The following CAMSAP3 variants were observed in gnomAD, a reference collection of about 807,000 sequenced individuals.
CAMSAP3 encodes the protein calmodulin regulated spectrin associated protein family member 3, also known as calmodulin-regulated spectrin-associated protein 3.
In CAMSAP3, 34 loss-of-function variants were observed where a neutral mutation model predicts 112.5. The ratio of observed to expected loss-of-function variants is 0.30; its 90% CI spans 0.23 to 0.40. CAMSAP3 has a LOEUF of 0.40. Ranked by LOEUF, CAMSAP3 falls within the 10% of genes least tolerant of loss-of-function variation. The pLI is 1.00. For missense variants in CAMSAP3, 1,602 were observed against 1,770.3 expected (o/e 0.90, Z 1.71); for synonymous variants, 868 against 799.8 (o/e 1.09, Z -1.44).
chr19:7,595,874 AGCAGCG>A lies in CAMSAP3; in HGVS notation c.-126_-121del, dbSNP rs2024423698. On this transcript the variant is annotated 5_prime_UTR_variant, in exon 1 of 17. Coordinates refer to ENST00000160298, the MANE Select transcript of CAMSAP3 (RefSeq NM_020902.2). The stretch of plus-strand genomic sequence containing the variant: ...CAGCGCAAGCGGCCGCACCTGGCTC[AGCAGCG>A]GCGGCGGCGGCGGCGGCGGCAGCGG... 4 of 318,600 alleles carry A rather than the reference AGCAGCG, an allele frequency of 1.3e-5. No homozygotes were observed. The highest frequency in any genetic ancestry group is 2.7e-4 in the South Asian group (2 of 7,540). 19.7% of individuals were successfully genotyped at this position (318,600 alleles called of 1,614,324 possible). A position where few individuals can be genotyped will look rare whatever the true frequency, so the allele number is the denominator to read the frequency against.
rs1017931401 is a variant in CAMSAP3, at chr19:7,612,866, G to C, written c.2373G>C (p.Leu791=). The C allele has an allele frequency of 1.2e-6, 2 of 1,602,166 alleles. No homozygotes were observed. The highest frequency in any genetic ancestry group is 2.3e-5 in the East Asian group (1 of 44,190). ...ACACGCGGCCAGCGGAGCTGCGGCTGGCACCCTTGACCAGGGTGCTTACGC... is the reference window on the plus strand; with the variant it reads ...ACACGCGGCCAGCGGAGCTGCGGCTCGCACCCTTGACCAGGGTGCTTACGC... ...PKHTRPAELR[L]APLTRVLTPP... is the part of the protein sequence containing the mutation. Residue 791 remains leucine, a synonymous_variant, in exon 11 of 17, where the codon CTG becomes CTC. Transcript: ENST00000160298.
Position 7,605,214 on chromosome 19 carries a change from A to G in CAMSAP3, c.149-12A>G, listed in dbSNP as rs567477051. The G allele has an allele frequency of 2.1e-6, 3 of 1,433,020 alleles. No individual in the cohort carries two copies. In the South Asian group the frequency reaches 4.1e-5, roughly 20 times the overall value. The allele number at this position is 1,433,020 out of a possible 1,614,324, so 88.8% of individuals were successfully genotyped here. A position where few individuals can be genotyped will look rare whatever the true frequency, so the allele number is the denominator to read the frequency against. ...ACCCTGACCCCCGTGTTTCCCCTCT[A>G]TGCCCCCACAGAGCACGTGCCCCCG... On this transcript the variant is annotated splice_polypyrimidine_tract_variant and intron_variant, in intron 1 of 16. Coordinates refer to ENST00000160298, the MANE Select transcript of CAMSAP3 (RefSeq NM_020902.2).
chr19:7,606,447 A>G, intron 3 of CAMSAP3, 29 bp from the exon 4 acceptor site: 1 of 1,609,322 alleles, frequency 6.2e-7, no homozygotes. Context: ...TCCAGTGGCC[A>G]GACCACTGAC....
chr19:7,617,571 C>G lies in CAMSAP3; in HGVS notation c.3354C>G (p.Ala1118=). 1 of 1,614,168 alleles carries G rather than the reference C, an allele frequency of 6.2e-7. No homozygotes were observed. The highest frequency in any genetic ancestry group is 1.3e-5 in the African/African-American group (1 of 75,034). Residue 1118 remains alanine (A), a synonymous_variant, in exon 16 of 17, where the codon GCC becomes GCG. Coordinates refer to ENST00000160298, the MANE Select transcript of CAMSAP3 (RefSeq NM_020902.2). The surrounding 1 kb of genome is among the most constrained non-coding windows in gnomAD (Gnocchi z 7.5). The part of the protein sequence containing the change: ...TGPRLYKEPS[A]KSNKFIIHNA... ...CACGGCTGTACAAAGAACCCAGCGCCAAGTCCAACAAGTTCATCATCCACA... is the reference window on the plus strand; with the variant it reads ...CACGGCTGTACAAAGAACCCAGCGCGAAGTCCAACAAGTTCATCATCCACA...
In CAMSAP3 at chr19:7,606,577, G is replaced by A. The variant is rs1286276874; in HGVS notation, c.621+6G>A. On this transcript the variant is annotated splice_donor_region_variant and intron_variant, in intron 4 of 16. Transcript: ENST00000160298. ...CGGCCCCGGCGCAGCCCTCGGTGAG[G>A]CCAGGGCATAGAACCGTCAGAAGGA... is the stretch of plus-strand genomic sequence containing the variant. 1 of 1,525,188 alleles carries A rather than the reference G, an allele frequency of 6.6e-7. No homozygotes were observed. The highest frequency in any genetic ancestry group is 8.8e-7 in the Non-Finnish European group (1 of 1,141,114). The allele number at this position is 1,525,188 out of a possible 1,614,324, so 94.5% of individuals were successfully genotyped here.
chr19:7,604,057 C>T (rs2030088306), intron 1 of CAMSAP3, among the ~76,000 whole-genome samples: 1 of 152,112 alleles, frequency 6.6e-6, no homozygotes, highest in African/African-American at 2.4e-5. Context: ...ATCATTCGAG[C>T]CCGGGAGGCA....
rs946575727 is a variant in CAMSAP3, at chr19:7,617,105, C to T, written c.3213-221C>T. On this transcript the variant is annotated intron_variant, in intron 14 of 16. Coordinates refer to ENST00000160298, the MANE Select transcript of CAMSAP3 (RefSeq NM_020902.2). This position sits in a 1 kb window ranked among gnomAD's most constrained non-coding sequence, Gnocchi z 7.5. ...CTGGGGTTACCCGTGCCTGTAGAGA[C>T]GGTGTTTCACCATGTTGGCCAGGCT... Among the ~76,000 whole-genome samples the T allele has an allele frequency of 1.1e-4, 17 of 151,876 alleles. No homozygotes were observed. Among genetic ancestry groups the T allele is most frequent in the Admixed American group, 8.5e-4 (13 of 15,256 alleles).
intron 1 of CAMSAP3, among the ~76,000 whole-genome samples, chr19:7,597,976 G>T (rs1312087161): frequency 6.6e-6 from 1 of 152,148 alleles, no homozygotes; most frequent in Non-Finnish European, 1.5e-5. Flanking sequence ...CTAAAAAGAG[G>T]AGAAGGGCTG....
intron 2 of CAMSAP3, 48 bp from the exon 3 acceptor site, chr19:7,606,223 C>A: frequency 7.4e-7 from 1 of 1,353,204 alleles, no homozygotes; most frequent in Non-Finnish European, 9.8e-7. Context: ...GGCCGAGGTG[C>A]GCCTCCTGCA....
Position 7,607,212 on chromosome 19 carries a change from G to A in CAMSAP3, c.621+641G>A, listed in dbSNP as rs564749780. 3.9e-5 allele frequency among the ~76,000 whole-genome samples: 6 copies of A among 152,254 alleles called. No individual in the cohort carries two copies. In the East Asian group the frequency reaches 1.2e-3, roughly 30 times the overall value. ...ATCACAAACGTGGATCCTGACCCTA[G>A]CAGGCAGGGCACCCTCTGGCCAAGG... On this transcript the variant is annotated intron_variant, in intron 4 of 16. Transcript: ENST00000160298. The surrounding 1 kb of genome is among the most constrained non-coding windows in gnomAD (Gnocchi z 4.9).
chr19:7,606,187 G>A (rs945573987), intron 2 of CAMSAP3, 84 bp from the exon 3 acceptor site: 3 of 1,144,442 alleles, frequency 2.6e-6, no homozygotes, highest in Admixed American at 4.0e-5. Flanking sequence ...CCATCTGCAG[G>A]TTCTTCCTTT....
Position 7,611,042 on chromosome 19 carries a change from G to A in CAMSAP3, c.1050-53G>A. 3.1e-6 allele frequency: 5 copies of A among 1,605,982 alleles called. No individual in the cohort carries two copies. The highest frequency in any genetic ancestry group is 3.4e-6 in the Non-Finnish European group (4 of 1,173,518). ...TGATGCTGTTGTCTCCCCCCGGGGA[G>A]AGGCGGAGGAGGAGGTGGGGGTCCT... On this transcript the variant is annotated intron_variant, in intron 8 of 16. Transcript: ENST00000160298. This position sits in a 1 kb window ranked among gnomAD's most constrained non-coding sequence, Gnocchi z 6.9.
Position 7,617,509 on chromosome 19 carries a change from G to GCCCCCC in CAMSAP3, c.3326-33_3326-28dup. ...TCCACAGCCCCTGCTCATTCCTGCT[G>GCCCCCC]CCCCCCACCCCCTCCCACTGCCTCA... On this transcript the variant is annotated intron_variant, in intron 15 of 16. Coordinates refer to ENST00000160298, the MANE Select transcript of CAMSAP3 (RefSeq NM_020902.2). This position sits in a 1 kb window ranked among gnomAD's most constrained non-coding sequence, Gnocchi z 7.5. 1 of 1,608,434 alleles carries GCCCCCC rather than the reference G, an allele frequency of 6.2e-7. No homozygotes were observed. Among genetic ancestry groups the GCCCCCC allele is most frequent in the Non-Finnish European group, 8.5e-7 (1 of 1,175,004 alleles).
intron 2 of CAMSAP3, among the ~76,000 whole-genome samples, chr19:7,605,686 A>G (rs2030177226): frequency 7.1e-6 from 1 of 140,020 alleles, no homozygotes; most frequent in Non-Finnish European, 1.5e-5. Flanking sequence ...CTCAAGCGCT[A>G]TTAAGCCTAG....
At position 7,607,790 on chromosome 19, in the gene CAMSAP3, C is replaced by A; in HGVS notation, c.622-336C>A. 1.0e-6 allele frequency: 1 copy of A among 954,082 alleles called. No homozygotes were observed. The highest frequency in any genetic ancestry group is 1.6e-6 in the Non-Finnish European group (1 of 641,666). 59.1% of individuals were successfully genotyped at this position (954,082 alleles called of 1,614,324 possible). ...GGGCCCAGCAGGTCAGCACCCCTCC[C>A]CCTTGCTGATGGCTGCTCCTCTCCC... On this transcript the variant is annotated intron_variant, in intron 4 of 16. Transcript: ENST00000160298. The surrounding 1 kb of genome is among the most constrained non-coding windows in gnomAD (Gnocchi z 4.9).
In CAMSAP3 at chr19:7,610,829, C is replaced by G. The variant is rs772020766; in HGVS notation, c.994+36C>G. The G allele has an allele frequency of 4.5e-6, 7 of 1,543,200 alleles. No individual in the cohort carries two copies. In the African/African-American group the frequency reaches 6.9e-5, roughly 15 times the overall value. On this transcript the variant is annotated intron_variant, in intron 7 of 16. Transcript: ENST00000160298. The surrounding 1 kb of genome is among the most constrained non-coding windows in gnomAD (Gnocchi z 4.9). ...GGGGGCCTGGGGGCCGGGTCGGGGG[C>G]GGGTGGGAGAGCCAAACCCCCGCCT...
chr19:7,615,461 G>T lies in CAMSAP3; in HGVS notation c.2854G>T (p.Ala952Ser), dbSNP rs953236633. ...CCCGGGCCCAGCCCCGCTTGTGTCC[G>T]CAGTCCCGATGGCGACTCCAGCCCC... ...EAPGPAPLVS[A>S]VPMATPAPAA... is the part of the protein sequence containing the mutation. Residue 952 changes from alanine to serine, a missense_variant, in exon 13 of 17, where the codon GCA becomes TCA. Ala to Ser is a moderately conservative substitution (Grantham distance 99, BLOSUM62 1). Coordinates refer to ENST00000160298, the MANE Select transcript of CAMSAP3 (RefSeq NM_020902.2). This position sits in a 1 kb window ranked among gnomAD's most constrained non-coding sequence, Gnocchi z 6.5. The T allele has an allele frequency of 2.6e-6, 4 of 1,540,824 alleles. No homozygotes were observed. The African/African-American group carries it at 5.5e-5, about 21-fold the overall frequency.
At position 7,610,305 on chromosome 19, in the gene CAMSAP3, G is replaced by A. The variant is rs570700662; in HGVS notation, c.761-171G>A. ...TGCACTACAGCCTGGGTGACAGAGCGAGACTCCATCTCAAAAAAAAAAAAA... is the reference window on the plus strand; with the variant it reads ...TGCACTACAGCCTGGGTGACAGAGCAAGACTCCATCTCAAAAAAAAAAAAA... On this transcript the variant is annotated intron_variant, in intron 5 of 16. Coordinates refer to ENST00000160298, the MANE Select transcript of CAMSAP3 (RefSeq NM_020902.2). This position sits in a 1 kb window ranked among gnomAD's most constrained non-coding sequence, Gnocchi z 4.9. Among the ~76,000 whole-genome samples the A allele has an allele frequency of 3.3e-4, 49 of 147,336 alleles. 1 individual carries two copies. The South Asian group carries it at 5.2e-3, about 16-fold the overall frequency.
Position 7,615,474 on chromosome 19 carries a change from CGACTCCAGCCCCTGCTGCCCG to C in CAMSAP3, c.2869_2889del (p.Thr957_Arg963del). On this transcript the variant is annotated inframe_deletion, in exon 13 of 17. Coordinates refer to ENST00000160298, the MANE Select transcript of CAMSAP3 (RefSeq NM_020902.2). This position sits in a 1 kb window ranked among gnomAD's most constrained non-coding sequence, Gnocchi z 6.5. ...CCGCTTGTGTCCGCAGTCCCGATGGCGACTCCAGCCCCTGCTGCCCGGGCTCCAGCCGAGGAGGAGGTGGGC... is the reference window on the plus strand; with the variant it reads ...CCGCTTGTGTCCGCAGTCCCGATGGCGGCTCCAGCCGAGGAGGAGGTGGGC... 1 of 1,540,708 alleles carries C rather than the reference CGACTCCAGCCCCTGCTGCCCG, an allele frequency of 6.5e-7. No homozygotes were observed. Among genetic ancestry groups the C allele is most frequent in the East Asian group, 2.5e-5 (1 of 40,792 alleles).
Sources: gnomAD v4.1 joint callset for allele counts (sites outside exome capture counted in the v4.1 genomes callset) on GRCh38, gnomAD v4.1.1 for gene constraint, Gnocchi (gnomAD v3.1) non-coding constraint, MANE v1.5 for transcripts, NCBI Gene and HGNC (gene_info 2026-07-23, HGNC 2026-07-21) for gene names.